The following ATP1B2 variants were observed in gnomAD, a reference collection of about 807,000 sequenced individuals.
ATP1B2 encodes the protein ATPase Na+/K+ transporting subunit beta 2.
A neutral mutation model predicts 37.3 loss-of-function variants in ATP1B2; 12 were observed. That is an observed-to-expected ratio of 0.32 (90% CI 0.21 to 0.52). The LOEUF (loss-of-function observed/expected upper bound fraction) is 0.52. Ranked by LOEUF, ATP1B2 falls within the 20% of genes least tolerant of loss-of-function variation. ATP1B2 has a pLI of 0.96. For missense variants in ATP1B2, 324 were observed against 391.6 expected (o/e 0.83, Z 1.46); for synonymous variants, 139 against 140.5 (o/e 0.99, Z 0.07).
intron 1 of ATP1B2, among the ~76,000 whole-genome samples, chr17:7,652,348 G>A (rs1049410039): frequency 3.9e-5 from 6 of 152,038 alleles, no homozygotes; most frequent in African/African-American, 7.2e-5. Flanking sequence ...TCGGGGGTTG[G>A]GGGGGTGGAG....
upstream of ATP1B2, among the ~76,000 whole-genome samples, chr17:7,649,133 A>C (rs1185243714): frequency 6.6e-6 from 1 of 152,064 alleles, no homozygotes; most frequent in Non-Finnish European, 1.5e-5. Context: ...GCTCACTGCA[A>C]CCTCCACCTT....
upstream of ATP1B2, among the ~76,000 whole-genome samples, chr17:7,650,410 G>T (rs2072602316): frequency 6.6e-6 from 1 of 152,268 alleles, no homozygotes; most frequent in South Asian, 2.1e-4. Context: ...ACAGGGGAAC[G>T]TCCCTCTGGG....
chr17:7,647,543 G>A (rs958731054), upstream of ATP1B2, among the ~76,000 whole-genome samples: 8 of 152,130 alleles, frequency 5.3e-5, no homozygotes, highest in Non-Finnish European at 1.0e-4. Context: ...GAAAGAGACC[G>A]GGTGCGGTGG....
rs1289863955 is a variant in ATP1B2 at position 7,651,489 on chromosome 17, C to T, written c.-30C>T. The T allele has an allele frequency of 6.4e-7, 1 of 1,551,180 alleles. No individual in the cohort carries two copies. The highest frequency in any genetic ancestry group is 1.9e-5 in the Admixed American group (1 of 51,994). The stretch of plus-strand genomic sequence containing the variant: ...CCCCGCTTCTCCGCAACCCCCCGCC[C>T]CGCGCCCGGACTCGCCCCGCGCCAC... On this transcript the variant is annotated 5_prime_UTR_variant, in exon 1 of 7. Transcript: ENST00000250111.
In ATP1B2 at chr17:7,655,863, G is replaced by A. The variant is rs1028561873; in HGVS notation, c.841G>A (p.Val281Met). 11 of 1,614,000 alleles carry A rather than the reference G, an allele frequency of 6.8e-6. No homozygotes were observed. The highest frequency in any genetic ancestry group is 2.2e-5 in the East Asian group (1 of 44,890). Residue 281 changes from valine to methionine, a missense_variant, in exon 7 of 7, where the codon GTG (valine) becomes ATG (methionine). Physicochemically the swap from Val to Met is conservative, Grantham distance 21. Transcript: ENST00000250111. The surrounding 1 kb of genome is among the most constrained non-coding windows in gnomAD (Gnocchi z 4.4). ...DDERDKFAGR[V>M]AFKLRINKT ...TGAGCGAGACAAGTTCGCCGGCCGC[G>A]TGGCCTTCAAACTCCGCATCAACAA... is the stretch of plus-strand genomic sequence containing the variant.
At chr17:7,650,808 C>G (rs888725387), upstream of ATP1B2, among the ~76,000 whole-genome samples, 3 of 149,974 alleles carry the variant, frequency 2.0e-5, no homozygotes, top group Non-Finnish European at 4.5e-5. Context: ...TCCATATTTA[C>G]ATATGTATGA....
intron 1 of ATP1B2, among the ~76,000 whole-genome samples, chr17:7,652,339 C>T (rs1438875386): frequency 1.2e-5 from 1 of 83,004 alleles, no homozygotes; most frequent in African/African-American, 4.3e-5. Context: ...CTGTAGTGGT[C>T]GGGGGTTGGG....
chr17:7,653,512 G>T lies in ATP1B2; in HGVS notation c.241+10G>T. On this transcript the variant is annotated intron_variant, in intron 2 of 6. Coordinates refer to ENST00000250111, the MANE Select transcript of ATP1B2 (RefSeq NM_001678.5). The stretch of plus-strand genomic sequence containing the variant: ...CGACTGGCCACACCGGGTGAGTGTG[G>T]AGGCTCCCCCTGCCAGCTACTCTAA... 1 of 1,613,842 alleles carries T rather than the reference G, an allele frequency of 6.2e-7. No homozygotes were observed. Among genetic ancestry groups the T allele is most frequent in the South Asian group, 1.1e-5 (1 of 91,040 alleles).
upstream of ATP1B2, among the ~76,000 whole-genome samples, chr17:7,650,619 G>A (rs982943755): frequency 2.0e-5 from 3 of 152,020 alleles, no homozygotes. Context: ...CCCCACCTTT[G>A]AGCATATATC....
rs1211791904 is a variant in ATP1B2, at chr17:7,654,614, C to G, written c.553-14C>G. On this transcript the variant is annotated splice_polypyrimidine_tract_variant and intron_variant, in intron 4 of 6. Coordinates refer to ENST00000250111, the MANE Select transcript of ATP1B2 (RefSeq NM_001678.5). This position sits in a 1 kb window ranked among gnomAD's most constrained non-coding sequence, Gnocchi z 4.9. ...TCTTCCTCTGACTCTCTTCACCTTC[C>G]ACCCTCACTCCAGGTCATCAACTTC... 3 of 1,613,950 alleles carry G rather than the reference C, an allele frequency of 1.9e-6. No homozygotes were observed.
chr17:7,654,313 T>A lies in ATP1B2; in HGVS notation c.552+56T>A. 6.4e-7 allele frequency: 1 copy of A among 1,554,246 alleles called. No homozygotes were observed. Among genetic ancestry groups the A allele is most frequent in the South Asian group, 1.1e-5 (1 of 89,756 alleles). ...GGAGGAAGGATCTGGGGACACCACC[T>A]GCAGACAATTGCATCCTTTCACTGG... is the stretch of plus-strand genomic sequence containing the variant. On this transcript the variant is annotated intron_variant, in intron 4 of 6. Coordinates refer to ENST00000250111, the MANE Select transcript of ATP1B2 (RefSeq NM_001678.5). The surrounding 1 kb of genome is among the most constrained non-coding windows in gnomAD (Gnocchi z 4.9).
chr17:7,654,647 G>A lies in ATP1B2; in HGVS notation c.572G>A (p.Gly191Glu). 1 of 1,614,126 alleles carries A rather than the reference G, an allele frequency of 6.2e-7. No homozygotes were observed. Among genetic ancestry groups the A allele is most frequent in the Non-Finnish European group, 8.5e-7 (1 of 1,180,022 alleles). The change falls in exon 5 of 7, where the codon GGA becomes GAA. Residue 191 changes from glycine (G) to glutamate (E), a missense_variant. Coordinates refer to ENST00000250111, the MANE Select transcript of ATP1B2 (RefSeq NM_001678.5). The surrounding 1 kb of genome is among the most constrained non-coding windows in gnomAD (Gnocchi z 4.9). ...KMNRVINFYA[G>E]ANQSMNVTCA... ...CTCCAGGTCATCAACTTCTATGCAG[G>A]AGCAAACCAGAGCATGAATGTTACC...
upstream of ATP1B2, among the ~76,000 whole-genome samples, chr17:7,647,592 G>A (rs2072582590): frequency 1.3e-5 from 2 of 152,106 alleles, no homozygotes; most frequent in Non-Finnish European, 2.9e-5. Flanking sequence ...AGGCCGAGGT[G>A]GGCGGATCAC....
chr17:7,650,799 C>A (rs2072605494), upstream of ATP1B2, among the ~76,000 whole-genome samples: 1 of 151,872 alleles, frequency 6.6e-6, no homozygotes, highest in Non-Finnish European at 1.5e-5. Context: ...CCCAACCTCT[C>A]CATATTTACA....
Position 7,655,986 on chromosome 17 carries a change from AT to A in ATP1B2, c.*96del. On this transcript the variant is annotated 3_prime_UTR_variant, in exon 7 of 7. Transcript: ENST00000250111. This position sits in a 1 kb window ranked among gnomAD's most constrained non-coding sequence, Gnocchi z 4.4. ...TCCCTCCCTCACCCACCCCAAAGGT[AT>A]TTTTGATAACAGAGCTATGACTTGT... 6.6e-7 allele frequency: 1 copy of A among 1,505,958 alleles called. No homozygotes were observed. The highest frequency in any genetic ancestry group is 9.0e-7 in the Non-Finnish European group (1 of 1,107,372). The allele number at this position is 1,505,958 out of a possible 1,614,324, so 93.3% of individuals were successfully genotyped here.
upstream of ATP1B2, among the ~76,000 whole-genome samples, chr17:7,650,910 G>C (rs1267305755): frequency 6.6e-6 from 1 of 152,164 alleles, no homozygotes; most frequent in Non-Finnish European, 1.5e-5. Flanking sequence ...GACCGCGCTC[G>C]GCGACCGCGG....
rs55831773 is a variant in ATP1B2 at position 7,655,719 on chromosome 17, C to T, written c.709-12C>T. On this transcript the variant is annotated splice_polypyrimidine_tract_variant and intron_variant, in intron 6 of 6. Transcript: ENST00000250111. The surrounding 1 kb of genome is among the most constrained non-coding windows in gnomAD (Gnocchi z 4.4). ...CCCCAGGCCTAGACCCTGCACTGCTCCTCCGGCCCAGGTGAACTACACACA... is the reference window on the plus strand; with the variant it reads ...CCCCAGGCCTAGACCCTGCACTGCTTCTCCGGCCCAGGTGAACTACACACA... 0.2 allele frequency: 316,974 copies of T among 1,613,764 alleles called. 34,035 individuals carry two copies. Among genetic ancestry groups the T allele is most frequent in the South Asian group, 0.36 (32,972 of 91,066 alleles).
At position 7,653,394 on chromosome 17, in the gene ATP1B2, C is replaced by T. The variant is rs550655804; in HGVS notation, c.133C>T (p.Leu45Phe). The change falls in exon 2 of 7, where the codon CTC becomes TTC. Residue 45 changes from leucine to phenylalanine, a missense_variant. Leu to Phe is a conservative substitution (Grantham distance 22, BLOSUM62 0). Transcript: ENST00000250111. ...CCTAGCCTTTATCCTCCTCTTCTACCTCGTTTTTTATGGGTTCCTCACCGC... is the reference window on the plus strand; with the variant it reads ...CCTAGCCTTTATCCTCCTCTTCTACTTCGTTTTTTATGGGTTCCTCACCGC... ...TSWAFILLFYLVFYGFLTAMF... is the reference protein window; with the variant it reads ...TSWAFILLFYFVFYGFLTAMF... The T allele has an allele frequency of 1.5e-5, 24 of 1,613,938 alleles. No homozygotes were observed. Among genetic ancestry groups the T allele is most frequent in the East Asian group, 2.2e-5 (1 of 44,882 alleles).
chr17:7,650,287 G>A (rs2072601468), upstream of ATP1B2, among the ~76,000 whole-genome samples: 1 of 152,150 alleles, frequency 6.6e-6, no homozygotes, highest in Non-Finnish European at 1.5e-5. Flanking sequence ...AGGGCTTCAG[G>A]GAGACGTGAT....
Sources: allele counts gnomAD v4.1 joint callset (sites outside exome capture counted in the v4.1 genomes callset), GRCh38; gene constraint gnomAD v4.1.1; non-coding constraint Gnocchi (gnomAD v3.1); transcripts MANE v1.5; gene names NCBI Gene and HGNC (gene_info 2026-07-23, HGNC 2026-07-21).